The following TLE2 variants were observed in gnomAD, a reference collection of about 807,000 sequenced individuals.
The protein encoded by TLE2 is transducin-like enhancer protein 2.
Under a neutral mutation model 97.2 loss-of-function variants are expected in TLE2, and 74 were observed. The observed-to-expected ratio is 0.76, with a 90% confidence interval of 0.63 to 0.92. TLE2 has a LOEUF of 0.92. Ranked by LOEUF, TLE2 falls within the 40% of genes least tolerant of loss-of-function variation. The probability of loss-of-function intolerance (pLI) is 0.00; values close to 1 mark genes in which losing one functional copy is unlikely to be tolerated. For synonymous variants in TLE2, 499 were observed against 432.1 expected, an observed-to-expected ratio of 1.15 and a Z score of -1.92; for missense variants, 1,038 against 1,008.7, an observed-to-expected ratio of 1.03 and a Z score of -0.39.
At chr19:3,028,850 T>C (rs765449789) in intron 1 of TLE2, 31 bp downstream of exon 1, 3 of 1,610,916 alleles carry the variant, frequency 1.9e-6, no homozygotes, top group East Asian at 2.2e-5. Flanking sequence ...TCCCGGACAC[T>C]GGGGGCCCCC....
upstream of TLE2, among the ~76,000 whole-genome samples, chr19:3,046,380 T>C (rs2090141126): frequency 6.6e-6 from 1 of 152,186 alleles, no homozygotes; most frequent in African/African-American, 2.4e-5. Context: ...GTCTAATGCG[T>C]CCTAGCTTTA....
intron 5 of TLE2, among the ~76,000 whole-genome samples, chr19:3,022,626 C>A (rs184827697): frequency 6.6e-6 from 1 of 152,036 alleles, no homozygotes; most frequent in East Asian, 1.9e-4. Flanking sequence ...TGGTGACTGC[C>A]GTGTAGGATA....
At chr19:3,002,627 C>T (rs1307915563) in intron 17 of TLE2, 124 bp from the exon 18 acceptor site, 1 of 1,179,570 alleles carries the variant, frequency 8.5e-7, no homozygotes, top group African/African-American at 1.6e-5. Context: ...CAGCCTTGAC[C>T]TCCAGGGCTC....
intron 17 of TLE2, 98 bp downstream of exon 17, chr19:3,005,339 G>T: frequency 6.7e-7 from 1 of 1,483,066 alleles, no homozygotes; most frequent in Non-Finnish European, 9.0e-7. Context: ...TGGGAGTCCT[G>T]TCCTGTCCTG....
intron 4 of TLE2, 68 bp from the exon 5 acceptor site, chr19:3,025,150 G>A: frequency 6.9e-7 from 1 of 1,455,322 alleles, no homozygotes; most frequent in Non-Finnish European, 9.3e-7. Context: ...TGGACTCCCA[G>A]GCGGACCAGG....
intron 8 of TLE2, chr19:3,016,001 A>G: frequency 1.7e-6 from 1 of 603,164 alleles, no homozygotes; most frequent in Non-Finnish European, 3.1e-6. Context: ...CAGTGGAGCC[A>G]TCTCGGCCCA....
intron 4 of TLE2, 46 bp from the exon 5 acceptor site, chr19:3,025,128 G>C: frequency 6.4e-7 from 1 of 1,550,542 alleles, no homozygotes; most frequent in Non-Finnish European, 8.8e-7. Context: ...GTAGAGATTT[G>C]CAACCCAGCT....
chr19:3,020,435 A>C (rs1455138625), intron 5 of TLE2: 2 of 151,500 alleles, frequency 1.3e-5, no homozygotes, highest in Non-Finnish European at 2.9e-5. Context: ...CTGGTGGTAA[A>C]ACTACCCCCA....
At chr19:3,011,193 G>C in intron 11 of TLE2, 33 bp from the exon 12 acceptor site, 1 of 1,540,358 alleles carries the variant, frequency 6.5e-7, no homozygotes, top group Non-Finnish European at 8.7e-7. Context: ...AAGGCCACCA[G>C]GCACCTGGTG....
At position 3,025,003 on chromosome 19, in the gene TLE2, C is replaced by A; in HGVS notation, c.294+17G>T. 3 of 1,578,874 alleles carry A rather than the reference C, an allele frequency of 1.9e-6. No individual in the cohort carries two copies. Among genetic ancestry groups the A allele is most frequent in the Non-Finnish European group, 2.6e-6 (3 of 1,161,424 alleles). ...CGGCTCCCTTCCCCTCCTCCCCCCA[C>A]CCCCAGGCCCACTCACCTCCTGGGT... On this transcript the variant is annotated intron_variant, in intron 5 of 19. Transcript: ENST00000262953.
intron 5 of TLE2, chr19:3,020,582 ATTTC>A (rs1278613295): frequency 6.6e-6 from 1 of 152,102 alleles, no homozygotes; most frequent in Non-Finnish European, 1.5e-5. Flanking sequence ...CATGACAATA[ATTTC>A]TTTGTTTTTC....
At chr19:3,010,639 A>C (rs1028047341) in intron 12 of TLE2, among the ~76,000 whole-genome samples, 12 of 152,140 alleles carry the variant, frequency 7.9e-5, no homozygotes, top group African/African-American at 2.9e-4. Context: ...AAAGATGAGC[A>C]CTGTCATTCC....
chr19:3,006,332 C>A, intron 15 of TLE2, 88 bp downstream of exon 15: 1 of 1,524,814 alleles, frequency 6.6e-7, no homozygotes, highest in Non-Finnish European at 8.8e-7. Flanking sequence ...TAGCCCCACC[C>A]ACGGCCAGCC....
At chr19:3,010,880 G>T in intron 12 of TLE2, 142 bp downstream of exon 12, 1 of 1,171,878 alleles carries the variant, frequency 8.5e-7, no homozygotes, top group Non-Finnish European at 1.2e-6. Flanking sequence ...GGGAGGCAGC[G>T]TCTAACTTGA....
Position 3,029,019 on chromosome 19 carries a change from A to T in TLE2, c.-115T>A. ...GAGGCTGCCCGAAGAAAGAGGGAGG[A>T]GGGAGAAGCGGCGCGGGGCAAGGGA... On this transcript the variant is annotated 5_prime_UTR_variant, in exon 1 of 20. Coordinates refer to ENST00000262953, the MANE Select transcript of TLE2 (RefSeq NM_003260.5). 2 of 1,508,230 alleles carry T rather than the reference A, an allele frequency of 1.3e-6. No individual in the cohort carries two copies. The highest frequency in any genetic ancestry group is 1.8e-6 in the Non-Finnish European group (2 of 1,129,980). The allele number at this position is 1,508,230 out of a possible 1,614,324, so 93.4% of individuals were successfully genotyped here. A position where few individuals can be genotyped will look rare whatever the true frequency, so the allele number is the denominator to read the frequency against.
chr19:3,031,968 C>T (rs1252235333), upstream of TLE2, among the ~76,000 whole-genome samples: 2 of 152,126 alleles, frequency 1.3e-5, no homozygotes, highest in Non-Finnish European at 2.9e-5. Context: ...TGCTCTGCTG[C>T]CCAGGCTGGA....
intron 13 of TLE2, 61 bp downstream of exon 13, chr19:3,009,481 C>T: frequency 2.0e-6 from 3 of 1,506,558 alleles, no homozygotes; most frequent in South Asian, 1.4e-5. Flanking sequence ...TTGGTTTCTC[C>T]TCCCGGCCCC....
rs753820375 is a variant in TLE2 at position 3,014,626 on chromosome 19, T to TG, written c.679-13dup. 2.5e-6 allele frequency: 4 copies of TG among 1,589,964 alleles called. No individual in the cohort carries two copies. The East Asian group carries it at 9.3e-5, about 37-fold the overall frequency. ...TCTTCGTCGCTTTCCTGGGGGAAGA[T>TG]GGGGGAGAGAGCTCATTGTGGTCAT... is the stretch of plus-strand genomic sequence containing the variant. On this transcript the variant is annotated splice_polypyrimidine_tract_variant and intron_variant, in intron 9 of 19. Coordinates refer to ENST00000262953, the MANE Select transcript of TLE2 (RefSeq NM_003260.5).
intron 17 of TLE2, 78 bp from the exon 18 acceptor site, chr19:3,002,581 C>A (rs2089387662): frequency 6.6e-7 from 1 of 1,504,784 alleles, no homozygotes; most frequent in African/African-American, 1.4e-5. Flanking sequence ...CTCCGTCACC[C>A]AGGCTGGAGT....
Sources: gnomAD v4.1 joint callset for allele counts (sites outside exome capture counted in the v4.1 genomes callset) on GRCh38, gnomAD v4.1.1 for gene constraint, MANE v1.5 for transcripts, NCBI Gene and HGNC (gene_info 2026-07-23, HGNC 2026-07-21) for gene names.